Variants in AGAP1 observed in about 807,000 individuals in gnomAD.
AGAP1 encodes ArfGAP with GTPase domain, ankyrin repeat and PH domain 1.
In AGAP1, 29 loss-of-function variants were observed where a neutral mutation model predicts 105.3. That is an observed-to-expected ratio of 0.28 (90% CI 0.21 to 0.38). The LOEUF (loss-of-function observed/expected upper bound fraction) is 0.38. AGAP1 is among the 10% of genes least tolerant of loss of function. AGAP1 has a pLI of 1.00. For missense variants in AGAP1, 998 were observed against 1,165.1 expected (o/e 0.86, Z 2.09); for synonymous variants, 509 against 485.9 (o/e 1.05, Z -0.63).
intron 1 of AGAP1, among the ~76,000 whole-genome samples, chr2:235,521,012 C>T (rs1441782283): frequency 6.6e-6 from 1 of 152,204 alleles, no homozygotes; most frequent in African/African-American, 2.4e-5. Context: ...GCCCCAGGCT[C>T]ATGTGGTACA....
chr2:235,954,893 A>C (rs1276419710), intron 12 of AGAP1, among the ~76,000 whole-genome samples: 1 of 151,948 alleles, frequency 6.6e-6, no homozygotes, highest in Non-Finnish European at 1.5e-5. Context: ...CTGTCCCTCC[A>C]TGTGTCTGGA....
chr2:235,859,403 C>T (rs1025229227), intron 9 of AGAP1, among the ~76,000 whole-genome samples: 3 of 96,810 alleles, frequency 3.1e-5, no homozygotes, highest in African/African-American at 5.7e-5. Flanking sequence ...TCCCCCCCCC[C>T]CCCCGCCTTT....
chr2:235,764,228 C>CT (rs1318206989), intron 6 of AGAP1, among the ~76,000 whole-genome samples: 1 of 152,230 alleles, frequency 6.6e-6, no homozygotes, highest in African/African-American at 2.4e-5. Context: ...AAAAGCAAAA[C>CT]TGCCAGTTCC....
Position 236,105,272 on chromosome 2 carries a change from T to C in AGAP1, c.2115-14920T>C, listed in dbSNP as rs2059455610. Among the ~76,000 whole-genome samples, 1 of 152,078 alleles carries C rather than the reference T, an allele frequency of 6.6e-6. No individual in the cohort carries two copies. ...TTAAGAACCCTGCATGCACACAGTCTTGCGTCAACTTCAGTTTTAACACGA... is the reference window on the plus strand; with the variant it reads ...TTAAGAACCCTGCATGCACACAGTCCTGCGTCAACTTCAGTTTTAACACGA... On this transcript the variant is annotated intron_variant, in intron 16 of 17. Transcript: ENST00000304032. This position sits in a 1 kb window ranked among gnomAD's most constrained non-coding sequence, Gnocchi z 4.2.
chr2:235,651,378 A>C (rs1003951323), intron 1 of AGAP1, among the ~76,000 whole-genome samples: 24 of 152,058 alleles, frequency 1.6e-4, no homozygotes, highest in African/African-American at 5.6e-4. Context: ...TGTTTTTGAC[A>C]TACTCCAGTC....
rs190656292 is a variant in AGAP1 at position 235,753,821 on chromosome 2, A to G, written c.673+3333A>G. Among the ~76,000 whole-genome samples the G allele has an allele frequency of 2.7e-4, 41 of 152,274 alleles. No homozygotes were observed. The East Asian group carries it at 7.7e-3, about 29-fold the overall frequency. On this transcript the variant is annotated intron_variant, in intron 6 of 17. Transcript: ENST00000304032. This position sits in a 1 kb window ranked among gnomAD's most constrained non-coding sequence, Gnocchi z 4.5. ...TAAAATATTTTCATATGAAGATAAC[A>G]TTTTTAAAATAAAATCAGTTACTTT... is the stretch of plus-strand genomic sequence containing the variant.
intron 11 of AGAP1, among the ~76,000 whole-genome samples, chr2:235,920,899 CATTAT>C (rs1447025139): frequency 6.6e-6 from 1 of 152,168 alleles, no homozygotes; most frequent in African/African-American, 2.4e-5. Flanking sequence ...ATAATTTGAT[CATTAT>C]ATTAACCACA....
At chr2:236,049,583 G>T in intron 16 of AGAP1, 1 of 228,116 alleles carries the variant, frequency 4.4e-6, no homozygotes, top group South Asian at 1.1e-4. Context: ...TTTCTAATAG[G>T]CATAAGCTGT....
rs1301428952 is a variant in AGAP1 at position 235,824,237 on chromosome 2, C to G, written c.1050+16906C>G. Among the ~76,000 whole-genome samples the G allele has an allele frequency of 6.6e-6, 1 of 152,226 alleles. No individual in the cohort carries two copies. Among genetic ancestry groups the G allele is most frequent in the Non-Finnish European group, 1.5e-5 (1 of 68,046 alleles). On this transcript the variant is annotated intron_variant, in intron 9 of 17. Coordinates refer to ENST00000304032, the MANE Select transcript of AGAP1 (RefSeq NM_001037131.3). This position sits in a 1 kb window ranked among gnomAD's most constrained non-coding sequence, Gnocchi z 5.2. ...GTACAGCTAGGCCTTCTGTGAGATC[C>G]CTTTCCCCTTAATACAGAAATCCTC...
chr2:235,652,579 G>A (rs1346677680), intron 1 of AGAP1, among the ~76,000 whole-genome samples: 1 of 152,168 alleles, frequency 6.6e-6, no homozygotes, highest in East Asian at 1.9e-4. Flanking sequence ...GAACTCAAGG[G>A]TAGAGTTGAA....
At chr2:235,911,819 A>C (rs1421363327) in intron 11 of AGAP1, among the ~76,000 whole-genome samples, 1 of 152,236 alleles carries the variant, frequency 6.6e-6, no homozygotes, top group Admixed American at 6.5e-5. Flanking sequence ...CGCAACCCTC[A>C]AACAGGTTAA....
At chr2:235,856,442 G>A (rs1005034525) in intron 9 of AGAP1, among the ~76,000 whole-genome samples, 4 of 152,230 alleles carry the variant, frequency 2.6e-5, no homozygotes, top group Admixed American at 2.0e-4. Flanking sequence ...CCTCTGGGTT[G>A]GGGCTGCCAT....
At position 235,845,512 on chromosome 2, in the gene AGAP1, T is replaced by G. The variant is rs779455500; in HGVS notation, c.1051-37833T>G. On this transcript the variant is annotated intron_variant, in intron 9 of 17. Coordinates refer to ENST00000304032, the MANE Select transcript of AGAP1 (RefSeq NM_001037131.3). The surrounding 1 kb of genome is among the most constrained non-coding windows in gnomAD (Gnocchi z 4.8). Reference sequence around the variant, plus strand: ...CCTGAGGACACCCCATTCTTAGCTGTGGGGTCACCACTATCCACCGACAGC... The same window carrying G: ...CCTGAGGACACCCCATTCTTAGCTGGGGGGTCACCACTATCCACCGACAGC... Among the ~76,000 whole-genome samples the G allele has an allele frequency of 7.2e-5, 11 of 152,122 alleles. No individual in the cohort carries two copies. Among genetic ancestry groups the G allele is most frequent in the Non-Finnish European group, 1.2e-4 (8 of 68,030 alleles).
chr2:235,929,408 T>C (rs1010201744), intron 11 of AGAP1, among the ~76,000 whole-genome samples: 8 of 152,158 alleles, frequency 5.3e-5, no homozygotes, highest in African/African-American at 1.9e-4. Context: ...CACTGTGGGC[T>C]TTTTTCTGGA....
Position 236,009,692 on chromosome 2 carries a change from A to G in AGAP1, c.1646-26869A>G, listed in dbSNP as rs1349546838. 1.3e-5 allele frequency among the ~76,000 whole-genome samples: 2 copies of G among 152,152 alleles called. No individual in the cohort carries two copies. The highest frequency in any genetic ancestry group is 4.8e-5 in the African/African-American group (2 of 41,444). On this transcript the variant is annotated intron_variant, in intron 13 of 17. Transcript: ENST00000304032. The surrounding 1 kb of genome is among the most constrained non-coding windows in gnomAD (Gnocchi z 4.2). ...CCCATCCCCTTCCTCCATGGAGGTA[A>G]AAAGATCCTATTAGTTCTCATAATT... is the stretch of plus-strand genomic sequence containing the variant.
At chr2:235,513,913 G>A (rs1243586745) in intron 1 of AGAP1, among the ~76,000 whole-genome samples, 2 of 152,140 alleles carry the variant, frequency 1.3e-5, no homozygotes, top group Non-Finnish European at 2.9e-5. Flanking sequence ...GCACCCCCAC[G>A]CTGAACCCTC....
chr2:236,124,447 C>T lies in AGAP1; in HGVS notation c.*325C>T, dbSNP rs575884816. On this transcript the variant is annotated 3_prime_UTR_variant, in exon 18 of 18. Coordinates refer to ENST00000304032, the MANE Select transcript of AGAP1 (RefSeq NM_001037131.3). This position sits in a 1 kb window ranked among gnomAD's most constrained non-coding sequence, Gnocchi z 5.1. ...GTCCTGGTGGCACAAGGGATGGGGA[C>T]GCGAGGGGGAGGGGAGGCGAGGAAC... The T allele has an allele frequency of 6.0e-4, 206 of 345,058 alleles. No homozygotes were observed. The highest frequency in any genetic ancestry group is 8.9e-4 in the Non-Finnish European group (165 of 185,946). 21.4% of individuals were successfully genotyped at this position (345,058 alleles called of 1,614,324 possible). A position where few individuals can be genotyped will look rare whatever the true frequency, so the allele number is the denominator to read the frequency against.
In AGAP1 at chr2:235,983,151, G is replaced by A. The variant is rs889516588; in HGVS notation, c.1645+14528G>A. 2.6e-5 allele frequency among the ~76,000 whole-genome samples: 4 copies of A among 152,164 alleles called. No homozygotes were observed. Among genetic ancestry groups the A allele is most frequent in the Non-Finnish European group, 5.9e-5 (4 of 68,024 alleles). On this transcript the variant is annotated intron_variant, in intron 13 of 17. Transcript: ENST00000304032. The surrounding 1 kb of genome is among the most constrained non-coding windows in gnomAD (Gnocchi z 4.5). ...GGTCTCCCAGGATGCTGGGGCTGGTGGACGACCCCAGAGAAGGGACAGGAT... is the reference window on the plus strand; with the variant it reads ...GGTCTCCCAGGATGCTGGGGCTGGTAGACGACCCCAGAGAAGGGACAGGAT...
chr2:235,645,663 C>T (rs530886995), intron 1 of AGAP1, among the ~76,000 whole-genome samples: 2 of 152,216 alleles, frequency 1.3e-5, no homozygotes, highest in Admixed American at 6.5e-5. Flanking sequence ...TGGGTCAGCA[C>T]GCAGTCAGAT....
Sources: gnomAD v4.1 joint callset for allele counts (sites outside exome capture counted in the v4.1 genomes callset) on GRCh38, gnomAD v4.1.1 for gene constraint, Gnocchi (gnomAD v3.1) non-coding constraint, MANE v1.5 for transcripts, NCBI Gene and HGNC (gene_info 2026-07-23, HGNC 2026-07-21) for gene names.